Variants in KALRN observed in about 807,000 individuals in gnomAD.
The protein encoded by KALRN is kalirin.
KALRN carries 70 observed loss-of-function variants against 353.7 expected under a neutral mutation model. The ratio of observed to expected loss-of-function variants is 0.20; its 90% CI spans 0.16 to 0.24. KALRN has a LOEUF of 0.24. Among genes scored for constraint, KALRN ranks in the 10% least tolerant of loss-of-function variants. The pLI, the probability that KALRN is intolerant of heterozygous loss-of-function variation, is 1.00. For synonymous variants in KALRN, 1,391 were observed against 1,434.8 expected (o/e 0.97, Z 0.69); for missense variants, 2,791 against 3,756.7 (o/e 0.74, Z 6.72).
At position 124,152,530 on chromosome 3, in the gene KALRN, TTTTC is replaced by T. The variant is rs2068260533; in HGVS notation, c.74-75456_74-75453del. 26 of 630,728 alleles carry T rather than the reference TTTTC, an allele frequency of 4.1e-5. No individual in the cohort carries two copies. In the South Asian group the frequency reaches 4.4e-4, roughly 11 times the overall value. The allele number at this position is 630,728 out of a possible 1,614,324, so 39.1% of individuals were successfully genotyped here. A position where few individuals can be genotyped will look rare whatever the true frequency, so the allele number is the denominator to read the frequency against. ...CTGCCTATATTCCTTGTTACAGTGC[TTTTC>T]TTTTTCTTTTTCTTTTTCTTTTCTT... On this transcript the variant is annotated intron_variant, in intron 1 of 59. Coordinates refer to ENST00000682506, the MANE Select transcript of KALRN (RefSeq NM_001388419.1).
At chr3:124,440,241 CA>C in intron 18 of KALRN, among the ~76,000 whole-genome samples, 1 of 152,052 alleles carries the variant, frequency 6.6e-6, no homozygotes, top group African/African-American at 2.4e-5. Context: ...TTAAGTAGAG[CA>C]TATAAAAATC....
chr3:124,700,993 G>A (rs570205845), intron 56 of KALRN, among the ~76,000 whole-genome samples: 1 of 152,322 alleles, frequency 6.6e-6, no homozygotes, highest in East Asian at 1.9e-4. Flanking sequence ...AGATGGATAA[G>A]CCGCCTTCAG....
Position 124,661,916 on chromosome 3 carries a change from G to T in KALRN, c.6333G>T (p.Leu2111=), listed in dbSNP as rs775130112. Residue 2111 remains leucine, a synonymous_variant, in exon 45 of 60, where the codon CTG becomes CTT. Transcript: ENST00000682506. ...ATGACATGATGAATCTAGGACGTCTGCAGGGCTTTGAGGTGAGTCTTTAAG... is the reference window on the plus strand; with the variant it reads ...ATGACATGATGAATCTAGGACGTCTTCAGGGCTTTGAGGTGAGTCTTTAAG... ...RCNDMMNLGR[L]QGFEGTLTAQ... is the part of the protein sequence containing the mutation. 1.5e-5 allele frequency: 24 copies of T among 1,613,720 alleles called. No individual in the cohort carries two copies. Among genetic ancestry groups the T allele is most frequent in the Non-Finnish European group, 1.9e-5 (22 of 1,179,768 alleles).
chr3:124,039,882 C>G (rs2039790723), intron 1 of KALRN, among the ~76,000 whole-genome samples: 1 of 152,076 alleles, frequency 6.6e-6, no homozygotes, highest in African/African-American at 2.4e-5. Flanking sequence ...CCATTATGAA[C>G]TGGGCTTTTG....
chr3:124,579,186 T>G (rs1447178709), intron 34 of KALRN, among the ~76,000 whole-genome samples: 1 of 152,106 alleles, frequency 6.6e-6, no homozygotes, highest in African/African-American at 2.4e-5. Flanking sequence ...GTGGTTAATG[T>G]GGAGGGAGAG....
At chr3:124,164,037 G>C (rs2070423684) in intron 1 of KALRN, 1 of 945,704 alleles carries the variant, frequency 1.1e-6, no homozygotes, top group South Asian at 4.9e-5. Flanking sequence ...ACACTTAACT[G>C]TACACAGTCA....
chr3:124,457,827 C>A (rs1389981285), intron 23 of KALRN, among the ~76,000 whole-genome samples: 1 of 152,052 alleles, frequency 6.6e-6, no homozygotes, highest in Non-Finnish European at 1.5e-5. Context: ...TTTGCTACTA[C>A]CCCTGGAATA....
At chr3:124,451,617 A>T (rs566006029) in intron 21 of KALRN, among the ~76,000 whole-genome samples, 19 of 152,292 alleles carry the variant, frequency 1.2e-4, no homozygotes, top group African/African-American at 4.6e-4. Flanking sequence ...GTTGAACGAG[A>T]AAAGATATGT....
chr3:124,116,696 T>A (rs1240052942), intron 1 of KALRN, among the ~76,000 whole-genome samples: 1 of 152,194 alleles, frequency 6.6e-6, no homozygotes, highest in East Asian at 1.9e-4. Context: ...TGTATGTTCA[T>A]ACCTACAATA....
At chr3:124,094,539 G>C in intron 1 of KALRN, 2 of 447,038 alleles carry the variant, frequency 4.5e-6, no homozygotes, top group Non-Finnish European at 8.3e-6. Context: ...CAAACCTCGC[G>C]TCTTTGCGAA....
At chr3:124,072,979 A>G (rs914542584) in intron 1 of KALRN, among the ~76,000 whole-genome samples, 62 of 152,294 alleles carry the variant, frequency 4.1e-4, no homozygotes, top group African/African-American at 1.5e-3. Flanking sequence ...ATGTTGAACC[A>G]TGGCTTGTTC....
chr3:124,649,203 A>C (rs1440741481), intron 37 of KALRN, among the ~76,000 whole-genome samples: 1 of 152,114 alleles, frequency 6.6e-6, no homozygotes, highest in Non-Finnish European at 1.5e-5. Context: ...TTTCTTATAA[A>C]ATGGACCATC....
At chr3:124,582,018 A>AT (rs71625758) in intron 34 of KALRN, among the ~76,000 whole-genome samples, 9,275 of 135,898 alleles carry the variant, frequency 0.068, 821 homozygotes, top group African/African-American at 0.21. Flanking sequence ...AACATGAGCT[A>AT]TTTTTTTTTT....
At chr3:124,414,791 G>C (rs910401672) in intron 14 of KALRN, among the ~76,000 whole-genome samples, 3 of 152,130 alleles carry the variant, frequency 2.0e-5, no homozygotes, top group Non-Finnish European at 4.4e-5. Context: ...GTTGGCTCAG[G>C]TTCCTCAGTC....
intron 33 of KALRN, among the ~76,000 whole-genome samples, chr3:124,525,907 G>A (rs1297049563): frequency 6.6e-6 from 1 of 151,880 alleles, no homozygotes; most frequent in East Asian, 1.9e-4. Flanking sequence ...GATGGAATAG[G>A]TCATTAAAGA....
chr3:124,232,215 T>C (rs755824574), intron 2 of KALRN, among the ~76,000 whole-genome samples: 2 of 152,212 alleles, frequency 1.3e-5, no homozygotes, highest in Non-Finnish European at 2.9e-5. Flanking sequence ...GCACAGATAC[T>C]GTGGCCAAAG....
At chr3:124,656,310 A>G (rs1482312052) in intron 39 of KALRN, among the ~76,000 whole-genome samples, 1 of 152,092 alleles carries the variant, frequency 6.6e-6, no homozygotes, top group African/African-American at 2.4e-5. Context: ...TTGAAAGAAC[A>G]TGAAGTCTAA....
intron 13 of KALRN, chr3:124,410,141 GA>G (rs1265611861): frequency 7.4e-5 from 37 of 499,244 alleles, no homozygotes; most frequent in Non-Finnish European, 1.2e-4. Flanking sequence ...GAATTCCCAA[GA>G]TTCCAGACCT....
Position 124,490,812 on chromosome 3 carries a change from C to A in KALRN, c.4515C>A (p.Ile1505=). Residue 1505 remains isoleucine (I), a synonymous_variant, in exon 30 of 60, where the codon ATC becomes ATA. Coordinates refer to ENST00000682506, the MANE Select transcript of KALRN (RefSeq NM_001388419.1). ...AGCGGCACTTGTTCCTCTTTGAGAT[C>A]TCCTTGGTTTTTAGCAAGGAGATCA... ...GRERHLFLFE[I]SLVFSKEIKD... is the part of the protein sequence containing the mutation. The A allele has an allele frequency of 6.2e-7, 1 of 1,614,028 alleles. No individual in the cohort carries two copies. Among genetic ancestry groups the A allele is most frequent in the Non-Finnish European group, 8.5e-7 (1 of 1,179,966 alleles).
Sources: allele counts gnomAD v4.1 joint callset (sites outside exome capture counted in the v4.1 genomes callset), GRCh38; gene constraint gnomAD v4.1.1; transcripts MANE v1.5; gene names NCBI Gene and HGNC (gene_info 2026-07-23, HGNC 2026-07-21).